Variants in KMT2D observed in about 807,000 individuals in gnomAD.
KMT2D encodes the protein histone-lysine N-methyltransferase 2D.
A neutral mutation model predicts 512.7 loss-of-function variants in KMT2D; 55 were observed. That is an observed-to-expected ratio of 0.11 (90% confidence interval 0.09 to 0.13). The LOEUF (loss-of-function observed/expected upper bound fraction) is 0.13, where lower values mean the gene tolerates loss of function less well. Among genes scored for constraint, KMT2D ranks in the 10% least tolerant of loss-of-function variants. The pLI is 1.00. For synonymous variants in KMT2D, 2,995 were observed against 2,904.0 expected, an observed-to-expected ratio of 1.03 and a Z score of -1.01; for missense variants, 6,061 against 7,127.9, an observed-to-expected ratio of 0.85 and a Z score of 5.39.
rs1372083024 is a variant in KMT2D at position 49,044,263 on chromosome 12, G to A, written c.5125C>T (p.Arg1709Cys). ...TGTGCAGCAGGCCCCTTTTTCGTGC[G>A]TGTGTGGGATTTCCGCTGTCGCACC... ...FMVRQRKSHT[R>C]TKKGPAAQAE... The change falls in exon 22 of 55, where the codon CGC becomes TGC. Residue 1709 changes from arginine (R) to cysteine (C), a missense_variant. By Grantham distance (180) the Arg-to-Cys change is radical (BLOSUM62 -3). Coordinates refer to ENST00000301067, the MANE Select transcript of KMT2D (RefSeq NM_003482.4). The surrounding 1 kb of genome is among the most constrained non-coding windows in gnomAD (Gnocchi z 6.4). 15 of 1,613,200 alleles carry A rather than the reference G, an allele frequency of 9.3e-6. No homozygotes were observed. The highest frequency in any genetic ancestry group is 1.1e-5 in the Non-Finnish European group (13 of 1,179,872).
chr12:49,028,328 C>T (rs367779032), intron 46 of KMT2D, among the ~76,000 whole-genome samples, 187 bp from the exon 47 acceptor site: 1 of 152,172 alleles, frequency 6.6e-6, no homozygotes, highest in South Asian at 2.1e-4. Context: ...TGGGCACTGA[C>T]GGGAGCTCCA....
rs1943394278 is a variant in KMT2D at position 49,039,698 on chromosome 12, G to T, written c.8046+26C>A. On this transcript the variant is annotated intron_variant, in intron 32 of 54. Transcript: ENST00000301067. The surrounding 1 kb of genome is among the most constrained non-coding windows in gnomAD (Gnocchi z 5.0). ...CCCCAGAGACAGGAGCGATATAGGG[G>T]GCTTAGCTCCAGGGTGTCAACTTAC... is the stretch of plus-strand genomic sequence containing the variant. The T allele has an allele frequency of 1.2e-6, 2 of 1,608,152 alleles. No individual in the cohort carries two copies. The highest frequency in any genetic ancestry group is 1.7e-6 in the Non-Finnish European group (2 of 1,178,080).
chr12:49,060,718 C>G lies in KMT2D; in HGVS notation c.-1143G>C, dbSNP rs539813641. Among the ~76,000 whole-genome samples, 2 of 152,342 alleles carry G rather than the reference C, an allele frequency of 1.3e-5. No individual in the cohort carries two copies. The highest frequency in any genetic ancestry group is 3.9e-4 in the East Asian group (2 of 5,180). ...CCTTCGGCGCTAGATCCGGGGGGGCCTTTTGCCCGGGGCACCCCACTCGAG... is the reference window on the plus strand; with the variant it reads ...CCTTCGGCGCTAGATCCGGGGGGGCGTTTTGCCCGGGGCACCCCACTCGAG... On this transcript the variant is annotated 5_prime_UTR_variant, in exon 1 of 55. Transcript: ENST00000301067.
At chr12:49,034,532 G>A in intron 37 of KMT2D, 50 bp downstream of exon 37, 1 of 1,611,700 alleles carries the variant, frequency 6.2e-7, no homozygotes, top group Non-Finnish European at 8.5e-7. Context: ...CCTAAGAAGG[G>A]TGGCCCAGTG....
At position 49,037,910 on chromosome 12, in the gene KMT2D, G is replaced by T. The variant is rs2120487471; in HGVS notation, c.9446C>A (p.Ser3149Tyr). 1 of 1,604,560 alleles carries T rather than the reference G, an allele frequency of 6.2e-7. No individual in the cohort carries two copies. Among genetic ancestry groups the T allele is most frequent in the Non-Finnish European group, 8.5e-7 (1 of 1,175,764 alleles). Reference protein sequence around the residue: ...PKVEPAPAANSLGLGLKPGQS... With the variant: ...PKVEPAPAANYLGLGLKPGQS... The stretch of plus-strand genomic sequence containing the variant: ...TCCTGGCTTTAGCCCCAGGCCAAGG[G>T]AATTGGCAGCAGGTGCGGGCTCTAC... Residue 3149 changes from serine to tyrosine, a missense_variant, in exon 35 of 55, where the codon TCC becomes TAC. Physicochemically the swap from Ser to Tyr is moderately radical, Grantham distance 144. This residue lies in a region of KMT2D where 533 missense variants were observed against 539.6 expected (regional missense o/e 0.99). Coordinates refer to ENST00000301067, the MANE Select transcript of KMT2D (RefSeq NM_003482.4).
rs749787920 is a variant in KMT2D at position 49,044,530 on chromosome 12, T to G, written c.4964-8A>C. On this transcript the variant is annotated splice_region_variant and splice_polypyrimidine_tract_variant and intron_variant, in intron 20 of 54. Coordinates refer to ENST00000301067, the MANE Select transcript of KMT2D (RefSeq NM_003482.4). This position sits in a 1 kb window ranked among gnomAD's most constrained non-coding sequence, Gnocchi z 6.4. ...CCATGTGCTCCACACCACCTGCGTA[T>G]GGTGACAGAAGAGATGGAGGCAAAT... 6.8e-6 allele frequency: 11 copies of G among 1,613,646 alleles called. No homozygotes were observed. In the South Asian group the frequency reaches 1.2e-4, roughly 18 times the overall value.
rs1592155403 is a variant in KMT2D, at chr12:49,051,560, G to C, written c.2123C>G (p.Ser708Cys). Residue 708 changes from serine to cysteine, a missense_variant, in exon 11 of 55, where the codon TCC (serine) becomes TGC (cysteine). This residue lies in a region of KMT2D where 848 missense variants were observed against 838.5 expected (regional missense o/e 1.01). Transcript: ENST00000301067. ...CATGAGCGAGTCCTCCGGTGGTGGG[G>C]AAGCAGGTGAGTCCTCAGGTGGTGG... Reference protein sequence around the residue: ...TSPPPEDSPASPPPEDSLMSL... With the variant: ...TSPPPEDSPACPPPEDSLMSL... 1 of 1,609,762 alleles carries C rather than the reference G, an allele frequency of 6.2e-7. No homozygotes were observed. Among genetic ancestry groups the C allele is most frequent in the Non-Finnish European group, 8.5e-7 (1 of 1,177,112 alleles).
Position 49,031,617 on chromosome 12 carries a change from G to T in KMT2D, c.13088C>A (p.Ala4363Asp). The T allele has an allele frequency of 6.2e-7, 1 of 1,600,394 alleles. No homozygotes were observed. Residue 4363 changes from alanine to aspartate, a missense_variant, in exon 40 of 55, where the codon GCC (alanine) becomes GAC (aspartate). By Grantham distance (126) the Ala-to-Asp change is moderately radical. Around this residue, in one of 16 missense-constraint regions of KMT2D, gnomAD observed 1,600 missense variants for 1,754.9 expected, o/e 0.91. Coordinates refer to ENST00000301067, the MANE Select transcript of KMT2D (RefSeq NM_003482.4). Reference sequence around the variant, plus strand: ...GCTAAACAAGGTATCTGCAAGCTGGGCAGCAGCAGGTGAGACCCTCCCAGG... The same window carrying T: ...GCTAAACAAGGTATCTGCAAGCTGGTCAGCAGCAGGTGAGACCCTCCCAGG... ...PPPGRVSPAA[A>D]QLADTLFSKG...
rs1001908185 is a variant in KMT2D, at chr12:49,039,253, C to T, written c.8335G>A (p.Ala2779Thr). ...TTCACATCCATAGAGGAAGGCGTGG[C>T]TGGTGGAGGTGGCCGGGAGAGTCGG... ...DDRLSRPPPPATPSSMDVNSR... is the reference protein window; with the variant it reads ...DDRLSRPPPPTTPSSMDVNSR... The change falls in exon 34 of 55, where the codon GCC (alanine) becomes ACC (threonine). Residue 2779 changes from alanine (A) to threonine (T), a missense_variant. Physicochemically the swap from Ala to Thr is moderately conservative, Grantham distance 58 (BLOSUM62 0). Coordinates refer to ENST00000301067, the MANE Select transcript of KMT2D (RefSeq NM_003482.4). The surrounding 1 kb of genome is among the most constrained non-coding windows in gnomAD (Gnocchi z 5.0). 6.2e-7 allele frequency: 1 copy of T among 1,613,726 alleles called. No individual in the cohort carries two copies. The highest frequency in any genetic ancestry group is 8.5e-7 in the Non-Finnish European group (1 of 1,179,882).
In KMT2D at chr12:49,037,990, C is replaced by T. The variant is rs2120488844; in HGVS notation, c.9366G>A (p.Val3122=). The stretch of plus-strand genomic sequence containing the variant: ...GAGAAGGGTGGCGTCCACCCTCCTC[C>T]ACCTTGGGCTTCACCTCAGGGAGCA... The part of the protein sequence containing the change: ...ASVLPEVKPK[V]EEGGRHPSPC... Residue 3122 remains valine (V), a synonymous_variant, in exon 35 of 55, where the codon GTG becomes GTA. Coordinates refer to ENST00000301067, the MANE Select transcript of KMT2D (RefSeq NM_003482.4). The T allele has an allele frequency of 6.2e-7, 1 of 1,603,302 alleles. No homozygotes were observed. Among genetic ancestry groups the T allele is most frequent in the Non-Finnish European group, 8.5e-7 (1 of 1,175,232 alleles).
rs759073506 is a variant in KMT2D at position 49,049,768 on chromosome 12, C to T, written c.3820G>A (p.Asp1274Asn). 6.2e-6 allele frequency: 10 copies of T among 1,612,752 alleles called. No individual in the cohort carries two copies. Among genetic ancestry groups the T allele is most frequent in the South Asian group, 2.2e-5 (2 of 91,070 alleles). The change falls in exon 12 of 55, where the codon GAT becomes AAT. Residue 1274 changes from aspartate (D) to asparagine (N), a missense_variant. Coordinates refer to ENST00000301067, the MANE Select transcript of KMT2D (RefSeq NM_003482.4). ...LPETDDSLLCDAGTAISGGKA... is the reference protein window; with the variant it reads ...LPETDDSLLCNAGTAISGGKA... ...CCTCCGCTGATAGCTGTCCCAGCAT[C>T]GCACAATAGTGAGTCATCAGTCTCT...
rs833819 is a variant in KMT2D, at chr12:49,040,292, C to T, written c.7478G>A (p.Gly2493Glu). 4.4e-4 allele frequency: 695 copies of T among 1,595,174 alleles called. 2 individuals are homozygous for T. The highest frequency in any genetic ancestry group is 2.6e-3 in the Admixed American group (151 of 58,254). Residue 2493 changes from glycine (G) to glutamate (E), a missense_variant, in exon 32 of 55, where the codon GGG becomes GAG. Gly to Glu is a moderately conservative substitution (Grantham distance 98, BLOSUM62 -2). Coordinates refer to ENST00000301067, the MANE Select transcript of KMT2D (RefSeq NM_003482.4). Reference sequence around the variant, plus strand: ...CCCCGCGGGCAGGGCTGCTGGGAACCCCCCAGCCCCCAGCGAAGTGTGGGC... The same window carrying T: ...CCCCGCGGGCAGGGCTGCTGGGAACTCCCCAGCCCCCAGCGAAGTGTGGGC... Reference protein sequence around the residue: ...SLAHTSLGAGGFPAALPAGPA... With the variant: ...SLAHTSLGAGEFPAALPAGPA...
At chr12:49,023,269 G>A (rs1178299683) in intron 51 of KMT2D, among the ~76,000 whole-genome samples, 1 of 152,190 alleles carries the variant, frequency 6.6e-6, no homozygotes, top group Non-Finnish European at 1.5e-5. Flanking sequence ...TAGAATTTAA[G>A]CTGATGGTTT....
intron 10 of KMT2D, 25 bp from the exon 11 acceptor site, chr12:49,052,449 C>CCTAT (rs1053886738): frequency 1.3e-6 from 2 of 1,542,676 alleles, no homozygotes; most frequent in Non-Finnish European, 1.8e-6. Context: ...ACACGATGCT[C>CCTAT]CTATCTAGCT....
rs757566781 is a variant in KMT2D at position 49,043,480 on chromosome 12, A to G, written c.5468-52T>C. The G allele has an allele frequency of 2.5e-6, 4 of 1,604,286 alleles. No individual in the cohort carries two copies. The Admixed American group carries it at 6.7e-5, about 27-fold the overall frequency. On this transcript the variant is annotated intron_variant, in intron 24 of 54. Coordinates refer to ENST00000301067, the MANE Select transcript of KMT2D (RefSeq NM_003482.4). ...CAGAGATGTCCTACATCTGATGCCC[A>G]GAACAGGTCTCCAGTCCCACAGCCC...
chr12:49,026,370 A>C lies in KMT2D; in HGVS notation c.15596T>G (p.Phe5199Cys), dbSNP rs1344930520. ...GGGATAGAGGGCAGTGGCACTATGA[A>C]AGTCAGCCATCTGGTGAGGCAGCAG... ...GQLLPHQMAD[F>C]HSATALYPVG... Residue 5199 changes from phenylalanine (F) to cysteine (C), a missense_variant, in exon 49 of 55, where the codon TTT becomes TGT. By Grantham distance (205) the Phe-to-Cys change is radical. Around this residue, in one of 16 missense-constraint regions of KMT2D, gnomAD observed 261 missense variants for 440.7 expected, o/e 0.59. Transcript: ENST00000301067. The surrounding 1 kb of genome is among the most constrained non-coding windows in gnomAD (Gnocchi z 9.6). 1.2e-6 allele frequency: 2 copies of C among 1,612,484 alleles called. No individual in the cohort carries two copies. The highest frequency in any genetic ancestry group is 1.7e-6 in the Non-Finnish European group (2 of 1,178,562).
chr12:49,051,924 C>T lies in KMT2D; in HGVS notation c.1759G>A (p.Glu587Lys), dbSNP rs199980307. The change falls in exon 11 of 55, where the codon GAG becomes AAG. Residue 587 changes from glutamate (E) to lysine (K), a missense_variant. Glu to Lys is a moderately conservative substitution (Grantham distance 56). This residue lies in a region of KMT2D where 848 missense variants were observed against 838.5 expected (regional missense o/e 1.01). Coordinates refer to ENST00000301067, the MANE Select transcript of KMT2D (RefSeq NM_003482.4). ...TCCGGTGGTGGAGACATGGGTGACT[C>T]TTCAGGTGGAGGGGACATGGGTGAC... ...EESPMSPPPE[E>K]SPMSPPPEAS... is the part of the protein sequence containing the mutation. 6.2e-7 allele frequency: 1 copy of T among 1,613,266 alleles called. No homozygotes were observed. Among genetic ancestry groups the T allele is most frequent in the Admixed American group, 1.7e-5 (1 of 59,966 alleles).
chr12:49,029,569 T>A (rs1156839988), intron 43 of KMT2D, 93 bp from the exon 44 acceptor site: 4 of 883,358 alleles, frequency 4.5e-6, no homozygotes, highest in African/African-American at 1.7e-5. Flanking sequence ...TAGCATGAGA[T>A]CTCAGCTATC....
In KMT2D at chr12:49,027,171, G is replaced by A. The variant is rs1592106744; in HGVS notation, c.14795C>T (p.Pro4932Leu). The A allele has an allele frequency of 1.3e-6, 2 of 1,557,102 alleles. No homozygotes were observed. Among genetic ancestry groups the A allele is most frequent in the Non-Finnish European group, 8.7e-7 (1 of 1,150,010 alleles). Residue 4932 changes from proline (P) to leucine (L), a missense_variant, in exon 49 of 55, where the codon CCC (proline) becomes CTC (leucine). By Grantham distance (98) the Pro-to-Leu change is moderately conservative. Around this residue, in one of 16 missense-constraint regions of KMT2D, gnomAD observed 1,600 missense variants for 1,754.9 expected, o/e 0.91. Coordinates refer to ENST00000301067, the MANE Select transcript of KMT2D (RefSeq NM_003482.4). ...APSPASPPTE[P>L]LVELPTEPLA... is the part of the protein sequence containing the mutation. ...GGGTTCGGTGGGAAGTTCAACCAAG[G>A]GCTCAGTAGGGGGACTGGCAGGAGA...
Sources: allele counts gnomAD v4.1 joint callset (sites outside exome capture counted in the v4.1 genomes callset), GRCh38; gene constraint gnomAD v4.1.1; regional missense constraint gnomAD v4.1.1; non-coding constraint Gnocchi (gnomAD v3.1); transcripts MANE v1.5; gene names NCBI Gene and HGNC (gene_info 2026-07-23, HGNC 2026-07-21).